DLG2: variants seen among roughly 807,000 people sequenced by gnomAD.
The protein encoded by DLG2 is discs large MAGUK scaffold protein 2, also known as disks large homolog 2.
DLG2 carries 45 observed loss-of-function variants against 132.5 expected under a neutral mutation model. The observed-to-expected ratio is 0.34, with a 90% confidence interval of 0.27 to 0.44. DLG2 has a LOEUF of 0.44. DLG2 is among the 20% of genes least tolerant of loss of function. DLG2 has a pLI of 1.00. For missense variants in DLG2, 1,045 were observed against 1,196.9 expected (o/e 0.87, Z 1.87); for synonymous variants, 424 against 419.6 (o/e 1.01, Z -0.13).
chr11:85,508,057 A>C (rs1247203098), intron 3 of DLG2, among the ~76,000 whole-genome samples: 1 of 152,128 alleles, frequency 6.6e-6, no homozygotes, highest in Non-Finnish European at 1.5e-5. Context: ...CAGCTCCATC[A>C]GGTCATTTAA....
At chr11:84,767,101 T>C (rs1789231157) in intron 6 of DLG2, among the ~76,000 whole-genome samples, 1 of 152,088 alleles carries the variant, frequency 6.6e-6, no homozygotes, top group Non-Finnish European at 1.5e-5. Context: ...GGGGTAATAG[T>C]ACCCACCTCT....
In DLG2 at chr11:84,525,964, AT is replaced by A. The variant is rs570921668; in HGVS notation, c.519+8605del. Among the ~76,000 whole-genome samples the A allele has an allele frequency of 1.2e-4, 18 of 151,956 alleles. No homozygotes were observed. The South Asian group carries it at 3.7e-3, about 32-fold the overall frequency. On this transcript the variant is annotated intron_variant, in intron 7 of 27. Transcript: ENST00000376104. ...CAAGTAAAAAATGATCTCGTGTATAATTTTTTTTCTCTGACAACACCCATCC... is the reference window on the plus strand; with the variant it reads ...CAAGTAAAAAATGATCTCGTGTATAATTTTTTTCTCTGACAACACCCATCC...
intron 7 of DLG2, among the ~76,000 whole-genome samples, chr11:84,320,527 T>C (rs1360347583): frequency 6.6e-6 from 1 of 152,188 alleles, no homozygotes; most frequent in East Asian, 1.9e-4. Context: ...ACTAGAGATT[T>C]ATAAATGCTA....
rs145172688 is a variant in DLG2 at position 85,454,417 on chromosome 11, G to A, written c.40+144240C>T. ...TGTAAATTTGATCATGTTCTGTATC[G>A]ATTTTGCATATTGCACCTTTGTCAG... On this transcript the variant is annotated intron_variant, in intron 3 of 27. Coordinates refer to ENST00000376104, the MANE Select transcript of DLG2 (RefSeq NM_001142699.3). Among the ~76,000 whole-genome samples the A allele has an allele frequency of 5.8e-3, 882 of 151,960 alleles. 10 individuals are homozygous for A. Among genetic ancestry groups the A allele is most frequent in the African/African-American group, 0.021 (857 of 41,434 alleles).
intron 6 of DLG2, among the ~76,000 whole-genome samples, chr11:84,797,490 G>A (rs948414429): frequency 6.6e-6 from 1 of 151,992 alleles, no homozygotes; most frequent in Admixed American, 6.6e-5. Flanking sequence ...TCTTCTTTTT[G>A]ATCAATTCTG....
chr11:84,005,471 G>A lies in DLG2; in HGVS notation c.920-24829C>T, dbSNP rs114892915. Among the ~76,000 whole-genome samples, 525 of 151,696 alleles carry A rather than the reference G, an allele frequency of 3.5e-3. 3 individuals are homozygous for A. Among genetic ancestry groups the A allele is most frequent in the African/African-American group, 0.012 (501 of 41,440 alleles). On this transcript the variant is annotated intron_variant, in intron 11 of 27. Transcript: ENST00000376104. ...TTTATGGCTAAGACCTTAAAACCAC[G>A]GACAACTAAAACAAAAATAAACAAA... is the stretch of plus-strand genomic sequence containing the variant.
intron 8 of DLG2, among the ~76,000 whole-genome samples, chr11:84,248,488 T>C (rs2097331838): frequency 6.6e-6 from 1 of 152,128 alleles, no homozygotes; most frequent in South Asian, 2.1e-4. Context: ...ATTTTCATCA[T>C]ATCAAGCTCC....
intron 4 of DLG2, among the ~76,000 whole-genome samples, chr11:85,238,092 A>T (rs1432760729): frequency 2.6e-5 from 4 of 151,998 alleles, no homozygotes; most frequent in African/African-American, 9.7e-5. Context: ...TGTTTAGGTA[A>T]GAATCCTGTT....
At chr11:85,539,294 A>G (rs2075809984) in intron 3 of DLG2, among the ~76,000 whole-genome samples, 1 of 152,140 alleles carries the variant, frequency 6.6e-6, no homozygotes, top group African/African-American at 2.4e-5. Context: ...ATAAAAATGG[A>G]CAGCTGTCCC....
chr11:84,966,241 T>C (rs539743014), intron 6 of DLG2, among the ~76,000 whole-genome samples: 12 of 152,180 alleles, frequency 7.9e-5, no homozygotes, highest in African/African-American at 2.9e-4. Flanking sequence ...TGTATATCTA[T>C]ATCACAGTGT....
At chr11:84,449,486 A>G (rs1221694070) in intron 7 of DLG2, among the ~76,000 whole-genome samples, 2 of 151,706 alleles carry the variant, frequency 1.3e-5, no homozygotes, top group Admixed American at 1.3e-4. Flanking sequence ...TATATACTTC[A>G]TGGCTAACTA....
chr11:84,711,330 AAGAGAG>A (rs760750088), intron 6 of DLG2, among the ~76,000 whole-genome samples: 622 of 48,392 alleles, frequency 0.013, 2 homozygotes, highest in Non-Finnish European at 0.021. Context: ...CAGAACCAGT[AAGAGAG>A]AGAGAGAGAG....
intron 3 of DLG2, among the ~76,000 whole-genome samples, chr11:85,511,705 C>A (rs561761653): frequency 2.1e-5 from 3 of 146,136 alleles, no homozygotes; most frequent in African/African-American, 7.6e-5. Flanking sequence ...TTCCAACACA[C>A]TGTAAATGTT....
intron 7 of DLG2, among the ~76,000 whole-genome samples, chr11:84,338,514 G>A (rs1310216287): frequency 3.3e-5 from 5 of 152,044 alleles, no homozygotes; most frequent in Non-Finnish European, 5.9e-5. Flanking sequence ...ATGAGCCTCC[G>A]TTTCTTCACA....
chr11:84,994,773 T>C (rs991009510), intron 6 of DLG2, among the ~76,000 whole-genome samples: 53 of 152,052 alleles, frequency 3.5e-4, no homozygotes, highest in African/African-American at 1.3e-3. Flanking sequence ...GAGGCATCCA[T>C]AGAATAATTT....
intron 3 of DLG2, among the ~76,000 whole-genome samples, chr11:85,530,819 G>A (rs2075152929): frequency 6.6e-6 from 1 of 152,170 alleles, no homozygotes; most frequent in Non-Finnish European, 1.5e-5. Flanking sequence ...TTGGCCTAAT[G>A]CCTTGTGGTT....
intron 6 of DLG2, among the ~76,000 whole-genome samples, chr11:84,756,152 T>G (rs914227263): frequency 6.6e-6 from 1 of 152,230 alleles, no homozygotes. Flanking sequence ...GGAATATGTA[T>G]TTGTAACTAA....
intron 6 of DLG2, among the ~76,000 whole-genome samples, chr11:84,712,343 C>A (rs949310264): frequency 1.3e-5 from 2 of 151,970 alleles, no homozygotes; most frequent in Non-Finnish European, 2.9e-5. Flanking sequence ...CTTGAAGTGG[C>A]AAGTATGTAT....
chr11:84,910,762 A>AAC lies in DLG2; in HGVS notation c.357+200898_357+200899insGT, dbSNP rs2091981776. Among the ~76,000 whole-genome samples the AAC allele has an allele frequency of 2.7e-4, 38 of 141,410 alleles. No homozygotes were observed. The East Asian group carries it at 3.1e-3, about 12-fold the overall frequency. 92.8% of individuals were successfully genotyped at this position (141,410 alleles called of 152,430 possible). On this transcript the variant is annotated intron_variant, in intron 6 of 27. Transcript: ENST00000376104. ...ATTCCCTTCCACAAAAAGGAAGAAA[A>AAC]AACAACAACAACAACAACAACAACA...
Sources: gnomAD v4.1 joint callset for allele counts (sites outside exome capture counted in the v4.1 genomes callset) on GRCh38, gnomAD v4.1.1 for gene constraint, MANE v1.5 for transcripts, NCBI Gene and HGNC (gene_info 2026-07-23, HGNC 2026-07-21) for gene names.